Variants in SYT1 observed in about 807,000 individuals in gnomAD.
SYT1 encodes the protein synaptotagmin 1.
SYT1 carries 8 observed loss-of-function variants against 44.8 expected under a neutral mutation model. That is an observed-to-expected ratio of 0.18 (90% CI 0.10 to 0.32). The LOEUF is 0.32. SYT1 is among the 10% of genes least tolerant of loss of function. The pLI is 1.00. For synonymous variants in SYT1, 154 were observed against 188.8 expected (o/e 0.82, Z 1.51); for missense variants, 286 against 509.3 (o/e 0.56, Z 4.22).
intron 4 of SYT1, among the ~76,000 whole-genome samples, chr12:79,244,964 C>G (rs559592855): frequency 3.3e-5 from 5 of 152,102 alleles, no homozygotes; most frequent in Admixed American, 2.6e-4. Context: ...CAAGTAAATG[C>G]AATTCCTGAA....
chr12:79,089,394 A>G (rs2950385), intron 3 of SYT1, among the ~76,000 whole-genome samples: 2 of 151,862 alleles, frequency 1.3e-5, no homozygotes, highest in Non-Finnish European at 2.9e-5. Context: ...CTATCCCACC[A>G]AACTGTAAAT....
intron 9 of SYT1, among the ~76,000 whole-genome samples, chr12:79,385,811 T>G (rs1884414342): frequency 6.6e-6 from 1 of 152,170 alleles, no homozygotes; most frequent in African/African-American, 2.4e-5. Flanking sequence ...AAGCTATTAA[T>G]AGAATGTGCC....
chr12:79,334,447 A>G (rs1429600595), intron 8 of SYT1, among the ~76,000 whole-genome samples: 2 of 152,152 alleles, frequency 1.3e-5, no homozygotes, highest in East Asian at 1.9e-4. Context: ...AGAAGGGCCA[A>G]ACTTGAACGA....
rs895866403 is a variant in SYT1 at position 78,865,122 on chromosome 12, G to A, written c.-217+13G>A. 2 of 152,256 alleles carry A rather than the reference G, an allele frequency of 1.3e-5. No individual in the cohort carries two copies. Among genetic ancestry groups the A allele is most frequent in the Admixed American group, 1.3e-4 (2 of 15,282 alleles). The allele number at this position is 152,256 out of a possible 1,614,324, so 9.4% of individuals were successfully genotyped here. Reference sequence around the variant, plus strand: ...GTCCGCCCTCCAGGTAAGGAAGCGGGACTGGCGGCGCGGCCACCTCGGCGG... The same window carrying A: ...GTCCGCCCTCCAGGTAAGGAAGCGGAACTGGCGGCGCGGCCACCTCGGCGG... On this transcript the variant is annotated intron_variant, in intron 1 of 10. Transcript: ENST00000261205.
chr12:79,413,416 C>G (rs1469364611), intron 9 of SYT1, among the ~76,000 whole-genome samples: 1 of 152,214 alleles, frequency 6.6e-6, no homozygotes, highest in South Asian at 2.1e-4. Context: ...CAACTATTTT[C>G]ATACCAAATA....
At chr12:79,015,627 C>T (rs1335038210) in intron 2 of SYT1, among the ~76,000 whole-genome samples, 8 of 151,940 alleles carry the variant, frequency 5.3e-5, no homozygotes, top group Admixed American at 2.6e-4. Flanking sequence ...TCTAATGGAC[C>T]GAAGTAAATA....
At chr12:79,367,827 C>T (rs1593005478) in intron 9 of SYT1, among the ~76,000 whole-genome samples, 1 of 151,612 alleles carries the variant, frequency 6.6e-6, no homozygotes, top group South Asian at 2.1e-4. Context: ...AAAACATATA[C>T]TAAGAACCTA....
At chr12:78,892,214 C>T (rs1436751282) in intron 1 of SYT1, among the ~76,000 whole-genome samples, 1 of 151,708 alleles carries the variant, frequency 6.6e-6, no homozygotes, top group Non-Finnish European at 1.5e-5. Flanking sequence ...TCATTAACCT[C>T]TTGGATTCAC....
At chr12:78,919,699 T>C (rs944900869) in intron 1 of SYT1, among the ~76,000 whole-genome samples, 1 of 152,034 alleles carries the variant, frequency 6.6e-6, no homozygotes, top group African/African-American at 2.4e-5. Context: ...TGTAACTCCC[T>C]GCCTCCAATA....
chr12:78,892,561 C>G (rs1339964071), intron 1 of SYT1, among the ~76,000 whole-genome samples: 1 of 151,634 alleles, frequency 6.6e-6, no homozygotes, highest in African/African-American at 2.4e-5. Flanking sequence ...CCGCCCCGAT[C>G]AAATTTTAAA....
intron 1 of SYT1, among the ~76,000 whole-genome samples, chr12:78,934,144 G>A (rs1255850505): frequency 6.7e-6 from 1 of 149,820 alleles, no homozygotes; most frequent in Non-Finnish European, 1.5e-5. Flanking sequence ...ATGTGTGTGT[G>A]TGTATGTGCG....
intron 3 of SYT1, among the ~76,000 whole-genome samples, chr12:79,137,811 T>C (rs1444255636): frequency 6.6e-6 from 1 of 152,220 alleles, no homozygotes; most frequent in Non-Finnish European, 1.5e-5. Context: ...GTTAGCCTTG[T>C]TGACCTTTCC....
intron 1 of SYT1, among the ~76,000 whole-genome samples, chr12:78,952,550 C>A (rs907553598): frequency 3.3e-5 from 5 of 152,222 alleles, no homozygotes; most frequent in African/African-American, 1.2e-4. Context: ...CAGATGAATA[C>A]TGTATATGGC....
intron 3 of SYT1, among the ~76,000 whole-genome samples, chr12:79,075,974 A>C (rs1876619947): frequency 6.6e-6 from 1 of 152,150 alleles, no homozygotes; most frequent in African/African-American, 2.4e-5. Flanking sequence ...CCTTTATAAC[A>C]AAAGTCATTA....
intron 2 of SYT1, among the ~76,000 whole-genome samples, chr12:79,042,024 T>G (rs890690377): frequency 2.0e-5 from 3 of 151,242 alleles, no homozygotes; most frequent in African/African-American, 7.2e-5. Context: ...GGATTCGTTT[T>G]GCCAGTATTT....
chr12:79,234,595 T>C (rs999304435), intron 4 of SYT1, among the ~76,000 whole-genome samples: 13 of 152,232 alleles, frequency 8.5e-5, no homozygotes, highest in African/African-American at 3.1e-4. Context: ...CATTTCTTTT[T>C]ATTGCTGAGT....
chr12:79,252,210 G>T (rs902538880), intron 4 of SYT1, among the ~76,000 whole-genome samples: 3 of 152,038 alleles, frequency 2.0e-5, no homozygotes, highest in African/African-American at 7.2e-5. Flanking sequence ...TCAGAGAAAT[G>T]AGAATAAAAA....
At chr12:79,309,447 A>G (rs558109443) in intron 8 of SYT1, among the ~76,000 whole-genome samples, 8 of 152,026 alleles carry the variant, frequency 5.3e-5, no homozygotes, top group African/African-American at 1.7e-4. Context: ...GTGGTACAAC[A>G]TGAAAGATTA....
In SYT1 at chr12:79,229,886, C is replaced by T. The variant is rs143481961; in HGVS notation, c.166+12201C>T. 6.4e-3 allele frequency among the ~76,000 whole-genome samples: 969 copies of T among 152,240 alleles called. 4 individuals are homozygous for T. Among genetic ancestry groups the T allele is most frequent in the Non-Finnish European group, 9.5e-3 (649 of 68,008 alleles). ...CTAGAATTACAGGCGTGAGCCACCA[C>T]GCCCAGCCAAGCAGTAGTTCTTAAT... On this transcript the variant is annotated intron_variant, in intron 4 of 10. Transcript: ENST00000261205.
Sources: allele counts gnomAD v4.1 joint callset (sites outside exome capture counted in the v4.1 genomes callset), GRCh38; gene constraint gnomAD v4.1.1; transcripts MANE v1.5; gene names NCBI Gene and HGNC (gene_info 2026-07-23, HGNC 2026-07-21).